The following BMPR1B variants were observed in gnomAD, a reference collection of about 807,000 sequenced individuals.
BMPR1B encodes bone morphogenetic protein receptor type-1B.
BMPR1B carries 12 observed loss-of-function variants against 59.1 expected under a neutral mutation model. The observed-to-expected ratio is 0.20, with a 90% CI of 0.13 to 0.33. BMPR1B has a LOEUF of 0.33. BMPR1B is among the 10% of genes least tolerant of loss of function. The pLI, the probability that BMPR1B is intolerant of heterozygous loss-of-function variation, is 1.00. For missense variants in BMPR1B, 550 were observed against 610.9 expected (o/e 0.90, Z 1.05); for synonymous variants, 237 against 207.3 (o/e 1.14, Z -1.23).
At chr4:95,065,030 C>T (rs182577437) in intron 3 of BMPR1B, among the ~76,000 whole-genome samples, 416 of 151,960 alleles carry the variant, frequency 2.7e-3, no homozygotes, top group Middle Eastern at 0.02. Context: ...AGGTATATAC[C>T]GAAGAGAGAT....
chr4:94,952,977 C>T (rs6840761), intron 2 of BMPR1B, among the ~76,000 whole-genome samples: 4,435 of 152,238 alleles, frequency 0.029, 206 homozygotes, highest in African/African-American at 0.1. Flanking sequence ...AGATAGTTAG[C>T]GCTTCTTGTT....
chr4:95,113,205 A>G (rs1280897804), intron 4 of BMPR1B, among the ~76,000 whole-genome samples: 1 of 152,172 alleles, frequency 6.6e-6, no homozygotes, highest in Admixed American at 6.6e-5. Context: ...AAAAGGCCTG[A>G]AGAGTTCAAG....
At chr4:94,761,075 C>G (rs190108423) in intron 1 of BMPR1B, among the ~76,000 whole-genome samples, 125 of 152,160 alleles carry the variant, frequency 8.2e-4, no homozygotes, top group African/African-American at 3.0e-3. Context: ...TTTCACGGTG[C>G]CACAATTCTT....
chr4:94,962,143 TC>T (rs1730392051), intron 2 of BMPR1B, among the ~76,000 whole-genome samples: 7 of 92,762 alleles, frequency 7.5e-5, no homozygotes, highest in African/African-American at 2.1e-4. Flanking sequence ...TTCCTTCCTT[TC>T]TTTTTTCTTT....
intron 2 of BMPR1B, among the ~76,000 whole-genome samples, chr4:94,961,544 T>A (rs1730353617): frequency 6.6e-6 from 1 of 152,226 alleles, no homozygotes. Flanking sequence ...CACTGCTTTA[T>A]TAAAAGCTTC....
chr4:95,127,874 G>T (rs1423334328), intron 8 of BMPR1B, among the ~76,000 whole-genome samples: 2 of 151,234 alleles, frequency 1.3e-5, no homozygotes, highest in East Asian at 3.9e-4. Context: ...AAATGTTCAT[G>T]CCCTAATCCC....
rs1015461466 is a variant in BMPR1B at position 95,157,658 on chromosome 4, G to A, written c.*2985G>A. On this transcript the variant is annotated 3_prime_UTR_variant, in exon 13 of 13. Transcript: ENST00000515059. ...TATGTATATATAAATATTATGTTCAGTTTGGAGTCTGGCACAACTCCATTA... is the reference window on the plus strand; with the variant it reads ...TATGTATATATAAATATTATGTTCAATTTGGAGTCTGGCACAACTCCATTA... 1 of 151,440 alleles carries A rather than the reference G, an allele frequency of 6.6e-6. No homozygotes were observed. The highest frequency in any genetic ancestry group is 6.6e-5 in the Admixed American group (1 of 15,174). 9.4% of individuals were successfully genotyped at this position (151,440 alleles called of 1,614,324 possible). A position where few individuals can be genotyped will look rare whatever the true frequency, so the allele number is the denominator to read the frequency against.
intron 2 of BMPR1B, among the ~76,000 whole-genome samples, chr4:94,903,634 T>A (rs1453166603): frequency 6.6e-6 from 1 of 152,028 alleles, no homozygotes; most frequent in Non-Finnish European, 1.5e-5. Flanking sequence ...ATTATATCCC[T>A]TATAATTTAT....
At chr4:95,079,467 G>A (rs1728956596) in intron 3 of BMPR1B, among the ~76,000 whole-genome samples, 1 of 111,490 alleles carries the variant, frequency 9.0e-6, no homozygotes. Context: ...TCACAATTAA[G>A]ATATCACATA....
At chr4:94,833,730 C>T (rs1326332179) in intron 1 of BMPR1B, among the ~76,000 whole-genome samples, 1 of 152,174 alleles carries the variant, frequency 6.6e-6, no homozygotes, top group Admixed American at 6.5e-5. Flanking sequence ...TTTCTTTCCA[C>T]ACCAGAGCAT....
chr4:95,095,299 C>A (rs1421558132), intron 3 of BMPR1B, among the ~76,000 whole-genome samples: 1 of 151,870 alleles, frequency 6.6e-6, no homozygotes, highest in Non-Finnish European at 1.5e-5. Flanking sequence ...GAGTTTTATT[C>A]CTGTGTGAAA....
intron 3 of BMPR1B, among the ~76,000 whole-genome samples, chr4:95,023,378 A>G (rs1724127172): frequency 1.3e-5 from 2 of 152,044 alleles, no homozygotes; most frequent in Non-Finnish European, 2.9e-5. Flanking sequence ...CATTTCTTTT[A>G]TTTTTATTTG....
intron 2 of BMPR1B, among the ~76,000 whole-genome samples, chr4:94,992,339 C>T (rs185563453): frequency 6.6e-6 from 1 of 152,332 alleles, no homozygotes; most frequent in South Asian, 2.1e-4. Context: ...TGTGAGTGCA[C>T]TGTTTAATCC....
Position 95,123,885 on chromosome 4 carries a change from T to G in BMPR1B, c.425T>G (p.Ile142Ser). The change falls in exon 7 of 13, where the codon ATC becomes AGC. Residue 142 changes from isoleucine to serine, a missense_variant. Coordinates refer to ENST00000515059, the MANE Select transcript of BMPR1B (RefSeq NM_001203.3). ...GTCTGTAGTTTGCTCTTGGTCCTTA[T>G]CATATTATTTTGTTACTTCCGGTAA... Reference protein sequence around the residue: ...VTVCSLLLVLIILFCYFRYKR... With the variant: ...VTVCSLLLVLSILFCYFRYKR... 1 of 1,611,442 alleles carries G rather than the reference T, an allele frequency of 6.2e-7. No individual in the cohort carries two copies. Among genetic ancestry groups the G allele is most frequent in the Non-Finnish European group, 8.5e-7 (1 of 1,178,594 alleles).
rs569846578 is a variant in BMPR1B, at chr4:95,154,195, T to C, written c.1384-353T>C. The stretch of plus-strand genomic sequence containing the variant: ...GGAATAACTGTGTTTGTTTGCATAG[T>C]ATGGAATTAGATAAAAGATTAAAAC... On this transcript the variant is annotated intron_variant, in intron 12 of 12. Transcript: ENST00000515059. Among the ~76,000 whole-genome samples, 3 of 152,344 alleles carry C rather than the reference T, an allele frequency of 2.0e-5. No homozygotes were observed. In the South Asian group the frequency reaches 6.2e-4, roughly 32 times the overall value.
In BMPR1B at chr4:95,154,914, G is replaced by C; in HGVS notation, c.*241G>C. ...GAAACCGCTTGGGTAACTTGTTCAA[G>C]ATATGATGCATGTTGCTTTCTAAGA... On this transcript the variant is annotated 3_prime_UTR_variant, in exon 13 of 13. Transcript: ENST00000515059. 2.0e-6 allele frequency: 1 copy of C among 498,810 alleles called. No homozygotes were observed. Among genetic ancestry groups the C allele is most frequent in the South Asian group, 2.3e-5 (1 of 43,566 alleles). 30.9% of individuals were successfully genotyped at this position (498,810 alleles called of 1,614,324 possible). A position where few individuals can be genotyped will look rare whatever the true frequency, so the allele number is the denominator to read the frequency against.
intron 3 of BMPR1B, among the ~76,000 whole-genome samples, chr4:95,049,662 C>CA (rs1726318311): frequency 6.6e-6 from 1 of 151,544 alleles, no homozygotes; most frequent in Non-Finnish European, 1.5e-5. Flanking sequence ...TCTTTCCTCT[C>CA]AACTTCTGTA....
chr4:94,994,170 G>A (rs1721918085), intron 2 of BMPR1B, among the ~76,000 whole-genome samples: 3 of 152,102 alleles, frequency 2.0e-5, no homozygotes, highest in Admixed American at 1.3e-4. Context: ...AACCTGGTAG[G>A]CTATCCTACT....
intron 1 of BMPR1B, among the ~76,000 whole-genome samples, chr4:94,852,716 TA>T (rs1332845573): frequency 1.3e-5 from 2 of 151,916 alleles, no homozygotes; most frequent in Admixed American, 6.6e-5. Context: ...TTCTCCTCCT[TA>T]AAAAAAAGCC....
Sources: gnomAD v4.1 joint callset for allele counts (sites outside exome capture counted in the v4.1 genomes callset) on GRCh38, gnomAD v4.1.1 for gene constraint, MANE v1.5 for transcripts, NCBI Gene and HGNC (gene_info 2026-07-23, HGNC 2026-07-21) for gene names.